The following USHBP1 variants were observed in gnomAD, a reference collection of about 807,000 sequenced individuals.
The protein encoded by USHBP1 is USH1 protein network component harmonin binding protein 1.
A neutral mutation model predicts 76.2 loss-of-function variants in USHBP1; 67 were observed. The ratio of observed to expected loss-of-function variants is 0.88; its 90% CI spans 0.72 to 1.08. USHBP1 has a LOEUF of 1.08. USHBP1 is among the 50% of genes least tolerant of loss of function. The pLI, the probability that USHBP1 is intolerant of heterozygous loss-of-function variation, is 0.00. For missense variants in USHBP1, 931 were observed against 915.0 expected, an observed-to-expected ratio of 1.02 and a Z score of -0.23; for synonymous variants, 322 against 362.2, an observed-to-expected ratio of 0.89 and a Z score of 1.26.
In USHBP1 at chr19:17,264,316, G is replaced by T. The variant is rs1262238446; in HGVS notation, c.-17C>A. The T allele has an allele frequency of 6.2e-7, 1 of 1,606,998 alleles. No homozygotes were observed. The highest frequency in any genetic ancestry group is 1.7e-5 in the Admixed American group (1 of 59,082). ...GGCACTCATTGCTGTCCAGAAGCCA[G>T]TGCCCTCTGAATGCTTCTCCTTCGT... On this transcript the variant is annotated 5_prime_UTR_variant, in exon 2 of 13. It adds an upstream start codon to the 5' untranslated region. Coordinates refer to ENST00000252597, the MANE Select transcript of USHBP1 (RefSeq NM_031941.4).
Position 17,251,841 on chromosome 19 carries a change from C to T in USHBP1, c.1799+70G>A, listed in dbSNP as rs556116990. ...GGTACACCTTAGCTTCTACTGCAGA[C>T]GACACCCCCGGGGGCTCTCACATAG... On this transcript the variant is annotated intron_variant, in intron 11 of 12. Coordinates refer to ENST00000252597, the MANE Select transcript of USHBP1 (RefSeq NM_031941.4). 98 of 1,519,108 alleles carry T rather than the reference C, an allele frequency of 6.5e-5. No individual in the cohort carries two copies. In the African/African-American group the frequency reaches 7.1e-4, roughly 11 times the overall value. The allele number at this position is 1,519,108 out of a possible 1,614,324, so 94.1% of individuals were successfully genotyped here.
In USHBP1 at chr19:17,262,975, C is replaced by T. The variant is rs2145596407; in HGVS notation, c.219G>A (p.Met73Ile). 1 of 1,520,652 alleles carries T rather than the reference C, an allele frequency of 6.6e-7. No homozygotes were observed. The highest frequency in any genetic ancestry group is 2.2e-5 in the Admixed American group (1 of 45,170). 94.2% of individuals were successfully genotyped at this position (1,520,652 alleles called of 1,614,324 possible). A position where few individuals can be genotyped will look rare whatever the true frequency, so the allele number is the denominator to read the frequency against. ...QGLGSRTDKK[M>I]DGGSGRELAS... ...CCAGTTCCCTGCCAGAGCCCCCATC[C>T]ATCTTCTTGTCAGTCCTGTGGACAC... The change falls in exon 4 of 13, where the codon ATG becomes ATA. Residue 73 changes from methionine (M) to isoleucine (I), a missense_variant. By Grantham distance (10) the Met-to-Ile change is conservative. Coordinates refer to ENST00000252597, the MANE Select transcript of USHBP1 (RefSeq NM_031941.4).
chr19:17,259,886 C>G lies in USHBP1; in HGVS notation c.768+11G>C, dbSNP rs1345483220. 2 of 1,611,374 alleles carry G rather than the reference C, an allele frequency of 1.2e-6. No individual in the cohort carries two copies. The highest frequency in any genetic ancestry group is 1.7e-6 in the Non-Finnish European group (2 of 1,178,018). ...ACATCAAGACCATGGGATTGAACTT[C>G]TCGCACTCACCTGAGTCTCCCAGGG... On this transcript the variant is annotated intron_variant, in intron 5 of 12. Transcript: ENST00000252597.
intron 3 of USHBP1, chr19:17,263,680 A>T (rs1599480877): frequency 4.6e-6 from 1 of 218,510 alleles, no homozygotes; most frequent in Non-Finnish European, 8.5e-6. Context: ...GGAGTTCAAG[A>T]CCAGCCTGGC....
At position 17,255,544 on chromosome 19, in the gene USHBP1, C is replaced by T. The variant is rs2073608516; in HGVS notation, c.1533G>A (p.Glu511=). Residue 511 remains glutamate, a synonymous_variant, in exon 10 of 13, where the codon GAG becomes GAA. Transcript: ENST00000252597. The part of the protein sequence containing the change: ...QLVRREKRGL[E]LREAALRALG... Reference sequence around the variant, plus strand: ...GGGCTCGGAGGGCAGCCTCCCGCAGCTCTAGGCCCCGCTTCTCACGCCGCA... The same window carrying T: ...GGGCTCGGAGGGCAGCCTCCCGCAGTTCTAGGCCCCGCTTCTCACGCCGCA... 4 of 1,613,758 alleles carry T rather than the reference C, an allele frequency of 2.5e-6. No homozygotes were observed. The highest frequency in any genetic ancestry group is 1.1e-5 in the South Asian group (1 of 91,066).
chr19:17,254,220 G>A (rs1391160199), intron 10 of USHBP1, among the ~76,000 whole-genome samples: 4 of 151,982 alleles, frequency 2.6e-5, no homozygotes, highest in Non-Finnish European at 4.4e-5. Context: ...GGTGGCGGGC[G>A]CCTGTAGTCC....
rs145992090 is a variant in USHBP1 at position 17,251,627 on chromosome 19, C to T, written c.1877G>A (p.Arg626Gln). The change falls in exon 12 of 13, where the codon CGG (arginine) becomes CAG (glutamine). Residue 626 changes from arginine to glutamine, a missense_variant. Transcript: ENST00000252597. ...EQVAQKGRAR[R>Q]SQSAELNRDL... ...CCTGTTCAGCTCGGCACTCTGAGAC[C>T]GTCTGGCTCGCCCCTTCTGAGCCAC... The T allele has an allele frequency of 5.0e-6, 8 of 1,613,912 alleles. No individual in the cohort carries two copies. Among genetic ancestry groups the T allele is most frequent in the East Asian group, 2.2e-5 (1 of 44,884 alleles).
At chr19:17,252,056 G>A (rs1171587739) in intron 10 of USHBP1, 39 bp from the exon 11 acceptor site, 31 of 1,533,208 alleles carry the variant, frequency 2.0e-5, no homozygotes, top group Non-Finnish European at 2.5e-5. Flanking sequence ...CATTAACCTA[G>A]GCCAAGTCCG....
intron 8 of USHBP1, among the ~76,000 whole-genome samples, chr19:17,257,022 T>C (rs897020360): frequency 7.9e-5 from 11 of 139,714 alleles, no homozygotes; most frequent in African/African-American, 2.5e-4. Context: ...GAATCCGTCT[T>C]TTTTTTTTTT....
chr19:17,253,259 G>T (rs2073575207), intron 10 of USHBP1, among the ~76,000 whole-genome samples: 1 of 148,820 alleles, frequency 6.7e-6, no homozygotes, highest in Non-Finnish European at 1.5e-5. Context: ...GGGATTACAG[G>T]CATGAGCCAT....
intron 10 of USHBP1, 42 bp from the exon 11 acceptor site, chr19:17,252,059 C>G (rs1599464907): frequency 6.5e-7 from 1 of 1,528,918 alleles, no homozygotes. Flanking sequence ...TAACCTAGGC[C>G]AAGTCCGTGC....
chr19:17,251,839 G>A, intron 11 of USHBP1, 72 bp downstream of exon 11: 1 of 1,526,116 alleles, frequency 6.6e-7, no homozygotes, highest in Non-Finnish European at 8.8e-7. Flanking sequence ...TTCTACTGCA[G>A]ACGACACCCC....
intron 10 of USHBP1, among the ~76,000 whole-genome samples, chr19:17,252,345 G>A (rs1472824906): frequency 6.6e-6 from 1 of 151,940 alleles, no homozygotes; most frequent in Non-Finnish European, 1.5e-5. Flanking sequence ...ACAGACACAT[G>A]CCACCAGACC....
chr19:17,262,587 C>A lies in USHBP1; in HGVS notation c.607G>T (p.Ala203Ser), dbSNP rs201971998. 1.9e-6 allele frequency: 3 copies of A among 1,612,206 alleles called. No homozygotes were observed. In the Middle Eastern group the frequency reaches 5.0e-4, roughly 266 times the overall value. ...ELVRTQASLE[A>S]IRAEKETLQK... ...AGCGTCTCCTTCTCAGCTCGGATGG[C>A]CTCCAGGGAGGCCTGCGTGCGGACC... Residue 203 changes from alanine to serine, a missense_variant, in exon 4 of 13, where the codon GCC becomes TCC. Physicochemically the swap from Ala to Ser is moderately conservative, Grantham distance 99. Coordinates refer to ENST00000252597, the MANE Select transcript of USHBP1 (RefSeq NM_031941.4).
At chr19:17,264,433 C>T (rs2145599056) in intron 1 of USHBP1, 86 bp from the exon 2 acceptor site, 1 of 1,047,508 alleles carries the variant, frequency 9.5e-7, no homozygotes, top group Non-Finnish European at 1.4e-6. Flanking sequence ...AAATGGGGCA[C>T]TGACTACCCC....
At chr19:17,255,709 T>C in intron 9 of USHBP1, 103 bp from the exon 10 acceptor site, 2 of 1,309,028 alleles carry the variant, frequency 1.5e-6, no homozygotes, top group East Asian at 2.6e-5. Context: ...AGACAAAAAC[T>C]GTGACTTTTG....
At position 17,256,590 on chromosome 19, in the gene USHBP1, G is replaced by A. The variant is rs1175062191; in HGVS notation, c.1351C>T (p.Pro451Ser). Residue 451 changes from proline to serine, a missense_variant, in exon 9 of 13, where the codon CCC (proline) becomes TCC (serine). Transcript: ENST00000252597. ...TCTGCACGGGGCACAGTGGGCATGG[G>A]TGCCAAGGTGGGGCCAGGCTCTGAG... is the stretch of plus-strand genomic sequence containing the variant. ...ILSEPGPTLA[P>S]MPTVPRAEAM... 1.2e-6 allele frequency: 2 copies of A among 1,614,214 alleles called. No individual in the cohort carries two copies. Among genetic ancestry groups the A allele is most frequent in the South Asian group, 2.2e-5 (2 of 91,092 alleles).
Position 17,249,960 on chromosome 19 carries a change from C to G in USHBP1, c.*265G>C. On this transcript the variant is annotated 3_prime_UTR_variant, in exon 13 of 13. Transcript: ENST00000252597. ...CCCGAAATGCGTCAGTCCCAGGGAC[C>G]TGGTCCCATAGCCCAGGTTGCTTCT... is the stretch of plus-strand genomic sequence containing the variant. 2.0e-6 allele frequency: 1 copy of G among 489,140 alleles called. No homozygotes were observed. The allele number at this position is 489,140 out of a possible 1,614,324, so 30.3% of individuals were successfully genotyped here. A position where few individuals can be genotyped will look rare whatever the true frequency, so the allele number is the denominator to read the frequency against.
rs747678765 is a variant in USHBP1, at chr19:17,259,910, G to T, written c.755C>A (p.Pro252His). 6 of 1,613,798 alleles carry T rather than the reference G, an allele frequency of 3.7e-6. No homozygotes were observed. The highest frequency in any genetic ancestry group is 2.2e-5 in the East Asian group (1 of 44,870). Residue 252 changes from proline (P) to histidine (H), a missense_variant, in exon 5 of 13, where the codon CCC becomes CAC. Coordinates refer to ENST00000252597, the MANE Select transcript of USHBP1 (RefSeq NM_031941.4). ...TCTCGCACTCACCTGAGTCTCCCAGGGTTCCCTGTCTGCCTCAGAGCTGCT... is the reference window on the plus strand; with the variant it reads ...TCTCGCACTCACCTGAGTCTCCCAGTGTTCCCTGTCTGCCTCAGAGCTGCT... ...GSSSSEADRE[P>H]WETQDSFSLA...
Sources: gnomAD v4.1 joint callset for allele counts (sites outside exome capture counted in the v4.1 genomes callset) on GRCh38, gnomAD v4.1.1 for gene constraint, MANE v1.5 for transcripts, NCBI Gene and HGNC (gene_info 2026-07-23, HGNC 2026-07-21) for gene names.